The following CDH4 variants were observed in gnomAD, a reference collection of about 807,000 sequenced individuals.
The protein encoded by CDH4 is cadherin 4.
Under a neutral mutation model 86.0 loss-of-function variants are expected in CDH4, and 33 were observed. That is an observed-to-expected ratio of 0.38 (90% confidence interval 0.29 to 0.51). CDH4 has a LOEUF of 0.51. Among genes scored for constraint, CDH4 ranks in the 20% least tolerant of loss-of-function variants. CDH4 has a pLI of 0.86. For synonymous variants in CDH4, 555 were observed against 549.4 expected (o/e 1.01, Z -0.14); for missense variants, 1,114 against 1,307.4 (o/e 0.85, Z 2.28).
chr20:61,497,281 T>C (rs977937294), intron 2 of CDH4, among the ~76,000 whole-genome samples: 1 of 152,184 alleles, frequency 6.6e-6, no homozygotes, highest in Non-Finnish European at 1.5e-5. Context: ...CTCTGCTCTG[T>C]TTGTGATGTC....
chr20:61,429,882 ATCTGT>A (rs2085236579), intron 2 of CDH4, among the ~76,000 whole-genome samples: 1 of 152,234 alleles, frequency 6.6e-6, no homozygotes, highest in South Asian at 2.1e-4. Flanking sequence ...AAAGCGCTAC[ATCTGT>A]AGCCTTCCTC....
intron 7 of CDH4, among the ~76,000 whole-genome samples, chr20:61,891,712 G>A (rs752997972): frequency 6.6e-6 from 1 of 152,222 alleles, no homozygotes; most frequent in Non-Finnish European, 1.5e-5. Flanking sequence ...CAGTCACCCT[G>A]TTCTGGGTGG....
At chr20:61,324,624 T>A (rs1017720203) in intron 2 of CDH4, among the ~76,000 whole-genome samples, 1 of 152,172 alleles carries the variant, frequency 6.6e-6, no homozygotes, top group African/African-American at 2.4e-5. Flanking sequence ...CACCTTAGTC[T>A]GGTATGAACT....
chr20:61,493,456 A>G (rs1397743833), intron 2 of CDH4, among the ~76,000 whole-genome samples: 1 of 152,214 alleles, frequency 6.6e-6, no homozygotes, highest in Non-Finnish European at 1.5e-5. Context: ...ATAAGTTGTT[A>G]GGAAACAAGC....
chr20:61,434,046 C>A (rs374884436), intron 2 of CDH4, among the ~76,000 whole-genome samples: 5 of 152,284 alleles, frequency 3.3e-5, no homozygotes, highest in Admixed American at 6.5e-5. Flanking sequence ...AAGGGCCAGG[C>A]GTTACCCTCT....
intron 15 of CDH4, among the ~76,000 whole-genome samples, chr20:61,935,080 C>G (rs950620229): frequency 6.6e-6 from 1 of 152,228 alleles, no homozygotes; most frequent in African/African-American, 2.4e-5. Context: ...GACTCTGAGG[C>G]TCCAGACTGG....
rs779022214 is a variant in CDH4 at position 61,393,345 on chromosome 20, G to T, written c.169+138408G>T. On this transcript the variant is annotated intron_variant, in intron 2 of 15. Coordinates refer to ENST00000614565, the MANE Select transcript of CDH4 (RefSeq NM_001794.5). This position sits in a 1 kb window ranked among gnomAD's most constrained non-coding sequence, Gnocchi z 4.3. ...CAGTGGTGTGGGGGACAGCAGCCGG[G>T]GGGGGCCGGGGTCTTCCTTACCTCC... is the stretch of plus-strand genomic sequence containing the variant. 7.2e-5 allele frequency among the ~76,000 whole-genome samples: 11 copies of T among 152,150 alleles called. No homozygotes were observed. The highest frequency in any genetic ancestry group is 3.3e-4 in the Admixed American group (5 of 15,298).
At position 61,585,571 on chromosome 20, in the gene CDH4, A is replaced by C. The variant is rs2145724813; in HGVS notation, c.170-157992A>C. Among the ~76,000 whole-genome samples the C allele has an allele frequency of 2.0e-5, 3 of 152,348 alleles. 1 individual carries two copies. Among genetic ancestry groups the C allele is most frequent in the Middle Eastern group, 3.4e-3 (1 of 294 alleles). On this transcript the variant is annotated intron_variant, in intron 2 of 15. Transcript: ENST00000614565. ...TCAATTTAATAGGAATTTATTGAGA[A>C]TCTATTGTTGGATACTCCCGAACTT...
chr20:61,621,746 G>C (rs1019941024), intron 2 of CDH4, among the ~76,000 whole-genome samples: 1 of 152,204 alleles, frequency 6.6e-6, no homozygotes, highest in African/African-American at 2.4e-5. Context: ...TGAGACATAA[G>C]ATGGCTTTAA....
chr20:61,916,330 G>C (rs920143862), intron 9 of CDH4, among the ~76,000 whole-genome samples: 6 of 152,156 alleles, frequency 3.9e-5, no homozygotes, highest in Non-Finnish European at 5.9e-5. Flanking sequence ...ACTTACCCCT[G>C]GCATGGACCA....
At chr20:61,389,739 C>A (rs536141959) in intron 2 of CDH4, among the ~76,000 whole-genome samples, 1 of 152,156 alleles carries the variant, frequency 6.6e-6, no homozygotes, top group Non-Finnish European at 1.5e-5. Flanking sequence ...GGGGGTGCTG[C>A]GGAACATCCT....
intron 4 of CDH4, among the ~76,000 whole-genome samples, chr20:61,815,957 G>C (rs1980694638): frequency 6.6e-6 from 1 of 152,154 alleles, no homozygotes; most frequent in Admixed American, 6.5e-5. Flanking sequence ...ACAAAAGAAG[G>C]TTTAAGGAAG....
intron 4 of CDH4, among the ~76,000 whole-genome samples, chr20:61,824,439 G>C (rs1484530374): frequency 1.3e-5 from 2 of 151,988 alleles, no homozygotes; most frequent in Non-Finnish European, 2.9e-5. Context: ...AGGCAGGCGA[G>C]AATTAAAGCA....
intron 2 of CDH4, among the ~76,000 whole-genome samples, chr20:61,739,488 G>T (rs1180696899): frequency 6.6e-6 from 1 of 152,206 alleles, no homozygotes; most frequent in Non-Finnish European, 1.5e-5. Context: ...AAAAACAGGT[G>T]ATGTGAGGGG....
intron 2 of CDH4, among the ~76,000 whole-genome samples, chr20:61,665,374 C>T (rs2087311483): frequency 6.6e-6 from 1 of 152,236 alleles, no homozygotes; most frequent in Non-Finnish European, 1.5e-5. Context: ...AACAATTTGA[C>T]CTTTCATCAG....
chr20:61,580,487 A>T (rs1207412588), intron 2 of CDH4, among the ~76,000 whole-genome samples: 1 of 145,642 alleles, frequency 6.9e-6, no homozygotes, highest in Non-Finnish European at 1.5e-5. Context: ...CCTCTACTTT[A>T]AAAAAAAAAT....
Position 61,709,584 on chromosome 20 carries a change from A to G in CDH4, c.170-33979A>G, listed in dbSNP as rs1299937757. Among the ~76,000 whole-genome samples, 2 of 141,220 alleles carry G rather than the reference A, an allele frequency of 1.4e-5. No individual in the cohort carries two copies. Among genetic ancestry groups the G allele is most frequent in the Admixed American group, 7.1e-5 (1 of 14,130 alleles). 92.6% of individuals were successfully genotyped at this position (141,220 alleles called of 152,430 possible). On this transcript the variant is annotated intron_variant, in intron 2 of 15. Transcript: ENST00000614565. The surrounding 1 kb of genome is among the most constrained non-coding windows in gnomAD (Gnocchi z 4.8). ...AGCCACTGTGCCTGGCAATTTTTGAATGACAATTTTTTTTTTTTTATCGCT... is the reference window on the plus strand; with the variant it reads ...AGCCACTGTGCCTGGCAATTTTTGAGTGACAATTTTTTTTTTTTTATCGCT...
At chr20:61,707,139 C>T (rs866153142) in intron 2 of CDH4, among the ~76,000 whole-genome samples, 6 of 152,228 alleles carry the variant, frequency 3.9e-5, no homozygotes, top group African/African-American at 9.6e-5. Flanking sequence ...GACAGAGTGC[C>T]GGGGTCCCCA....
intron 1 of CDH4, 135 bp from the exon 2 acceptor site, chr20:61,254,691 T>G (rs2084088387): frequency 1.5e-6 from 1 of 685,210 alleles, no homozygotes; most frequent in African/African-American, 1.8e-5. Flanking sequence ...GGGTATCGCG[T>G]CTGGGTGGAG....
Sources: gnomAD v4.1 joint callset for allele counts (sites outside exome capture counted in the v4.1 genomes callset) on GRCh38, gnomAD v4.1.1 for gene constraint, Gnocchi (gnomAD v3.1) non-coding constraint, MANE v1.5 for transcripts, NCBI Gene and HGNC (gene_info 2026-07-23, HGNC 2026-07-21) for gene names.